CC2D2A: variants seen among roughly 807,000 people sequenced by gnomAD.
CC2D2A encodes the protein coiled-coil and C2 domain containing 2A, also known as coiled-coil and C2 domain-containing protein 2A.
A neutral mutation model predicts 212.9 loss-of-function variants in CC2D2A; 155 were observed. The observed-to-expected ratio is 0.73, with a 90% CI of 0.64 to 0.83. The LOEUF is 0.83. Among genes scored for constraint, CC2D2A ranks in the 40% least tolerant of loss-of-function variants. The pLI is 0.00. For synonymous variants in CC2D2A, 667 were observed against 686.5 expected (o/e 0.97, Z 0.44); for missense variants, 1,856 against 1,956.2 (o/e 0.95, Z 0.97).
intron 18 of CC2D2A, 89 bp downstream of exon 18, chr4:15,551,069 G>C: frequency 8.8e-7 from 1 of 1,138,810 alleles, no homozygotes; most frequent in Non-Finnish European, 1.2e-6. Context: ...GACAACCATA[G>C]AATTATAAAA....
chr4:15,550,980 G>C lies in CC2D2A; in HGVS notation c.2338G>C (p.Gly780Arg). 1 of 1,582,596 alleles carries C rather than the reference G, an allele frequency of 6.3e-7. No individual in the cohort carries two copies. The highest frequency in any genetic ancestry group is 1.1e-5 in the South Asian group (1 of 88,142). The stretch of plus-strand genomic sequence containing the variant: ...ACTGGACCACGAGGGAGTTGGAAGT[G>C]GTATGGAAAGCTAATATCTTCAATG... The part of the protein sequence containing the change: ...VTLDHEGVGS[G>R]VPFSFEADGS... The change falls in exon 18 of 37, where the codon GGA (glycine) becomes CGA (arginine). Residue 780 changes from glycine to arginine, a missense_variant and splice_region_variant. By Grantham distance (125) the Gly-to-Arg change is moderately radical (BLOSUM62 -2). Around this residue, in one of 5 missense-constraint regions of CC2D2A, gnomAD observed 1,512 missense variants for 1,579.3 expected, o/e 0.96. Coordinates refer to ENST00000424120, the MANE Select transcript of CC2D2A (RefSeq NM_001378615.1).
At chr4:15,483,682 T>TAA (rs1284812786) in intron 4 of CC2D2A, among the ~76,000 whole-genome samples, 1 of 152,238 alleles carries the variant, frequency 6.6e-6, no homozygotes, top group East Asian at 1.9e-4. Context: ...CTCTCTTATT[T>TAA]ATTCCGGGCT....
chr4:15,541,362 C>A (rs1266391528), intron 17 of CC2D2A, among the ~76,000 whole-genome samples: 2 of 151,858 alleles, frequency 1.3e-5, no homozygotes, highest in Non-Finnish European at 2.9e-5. Flanking sequence ...ATAGTTACTG[C>A]CCCAATAATT....
rs1717945434 is a variant in CC2D2A at position 15,533,237 on chromosome 4, C to T, written c.1511C>T (p.Thr504Ile). The T allele has an allele frequency of 5.6e-6, 9 of 1,596,276 alleles. No homozygotes were observed. Among genetic ancestry groups the T allele is most frequent in the Non-Finnish European group, 7.7e-6 (9 of 1,174,604 alleles). ...GATGCTGAACAAGAAAAAGATAGAA[C>T]ATTGCTTAAGACTATCATAAAAGTT... ...FRDAEQEKDRTLLKTIIKVWK... is the reference protein window; with the variant it reads ...FRDAEQEKDRILLKTIIKVWK... The change falls in exon 14 of 37, where the codon ACA (threonine) becomes ATA (isoleucine). Residue 504 changes from threonine to isoleucine, a missense_variant. Coordinates refer to ENST00000424120, the MANE Select transcript of CC2D2A (RefSeq NM_001378615.1).
intron 18 of CC2D2A, among the ~76,000 whole-genome samples, chr4:15,552,088 G>A (rs1294218444): frequency 6.6e-6 from 1 of 152,160 alleles, no homozygotes; most frequent in Non-Finnish European, 1.5e-5. Context: ...AAGATCTAGA[G>A]TTACTTCATT....
chr4:15,593,572 G>C (rs1268385471), intron 33 of CC2D2A, among the ~76,000 whole-genome samples: 1 of 152,160 alleles, frequency 6.6e-6, no homozygotes, highest in Non-Finnish European at 1.5e-5. Flanking sequence ...GGATGTGAGA[G>C]AGACATCTCA....
intron 30 of CC2D2A, among the ~76,000 whole-genome samples, chr4:15,583,963 AAG>A: frequency 8.8e-6 from 1 of 113,842 alleles, no homozygotes; most frequent in Non-Finnish European, 2.0e-5. Context: ...AAAAAAAAAA[AAG>A]AAAAGAAAAG....
At chr4:15,523,099 A>G (rs1717306551) in intron 11 of CC2D2A, among the ~76,000 whole-genome samples, 1 of 150,536 alleles carries the variant, frequency 6.6e-6, no homozygotes, top group Non-Finnish European at 1.5e-5. Flanking sequence ...GGGTGACAAG[A>G]GCAAAACTCC....
chr4:15,559,583 AAAC>A (rs1436307771), intron 22 of CC2D2A, among the ~76,000 whole-genome samples: 1 of 152,190 alleles, frequency 6.6e-6, no homozygotes, highest in African/African-American at 2.4e-5. Context: ...AATCAGAAAA[AAAC>A]AAAAGTTTTT....
chr4:15,538,216 C>T (rs965410862), intron 16 of CC2D2A, 79 bp downstream of exon 16: 166 of 1,399,224 alleles, frequency 1.2e-4, no homozygotes, highest in African/African-American at 4.1e-4. Flanking sequence ...CACACATGCA[C>T]GACATGGGGA....
rs1560196423 is a variant in CC2D2A, at chr4:15,589,641, C to T, written c.4276C>T (p.Pro1426Ser). Residue 1426 changes from proline to serine, a missense_variant, in exon 33 of 37, where the codon CCC (proline) becomes TCC (serine). Physicochemically the swap from Pro to Ser is moderately conservative, Grantham distance 74. This residue lies in a region of CC2D2A where 285 missense variants were observed against 278.4 expected (regional missense o/e 1.02). Coordinates refer to ENST00000424120, the MANE Select transcript of CC2D2A (RefSeq NM_001378615.1). Reference protein sequence around the residue: ...HFYGQFDTFCPLKNVGCLIGP... With the variant: ...HFYGQFDTFCSLKNVGCLIGP... ...TTATGGACAATTTGATACATTCTGT[C>T]CCTTGAAAAATGTGGGCTGTTTAAT... The T allele has an allele frequency of 1.2e-6, 2 of 1,601,548 alleles. No homozygotes were observed. Among genetic ancestry groups the T allele is most frequent in the Non-Finnish European group, 8.5e-7 (1 of 1,172,760 alleles).
chr4:15,559,043 GA>G lies in CC2D2A; in HGVS notation c.2830-120del, dbSNP rs1719433069. 5.8e-6 allele frequency: 4 copies of G among 691,790 alleles called. No individual in the cohort carries two copies. The South Asian group carries it at 7.5e-5, about 13-fold the overall frequency. 42.9% of individuals were successfully genotyped at this position (691,790 alleles called of 1,614,324 possible). On this transcript the variant is annotated intron_variant, in intron 21 of 36. Transcript: ENST00000424120. Reference sequence around the variant, plus strand: ...CCAATTCTGAACCAAAAGTTAGGAAGAAGGTGGAAGAAATATTTAAAACCAC... The same window carrying G: ...CCAATTCTGAACCAAAAGTTAGGAAGAGGTGGAAGAAATATTTAAAACCAC...
chr4:15,502,026 C>T (rs1715981176), intron 4 of CC2D2A, among the ~76,000 whole-genome samples: 1 of 152,180 alleles, frequency 6.6e-6, no homozygotes, highest in African/African-American at 2.4e-5. Flanking sequence ...AATTCATTAG[C>T]CACCCATTCA....
chr4:15,577,141 T>C (rs896805572), intron 29 of CC2D2A, among the ~76,000 whole-genome samples: 8 of 152,102 alleles, frequency 5.3e-5, no homozygotes, highest in Non-Finnish European at 2.9e-5. Flanking sequence ...CACAGGCATG[T>C]GCCACTAGGC....
intron 3 of CC2D2A, chr4:15,479,429 G>T: frequency 2.0e-6 from 2 of 988,042 alleles, no homozygotes; most frequent in Non-Finnish European, 3.1e-6. Flanking sequence ...CAGCAGGGGA[G>T]GGAGGGGAGA....
chr4:15,496,148 T>C (rs916163351), intron 4 of CC2D2A, among the ~76,000 whole-genome samples: 5 of 152,174 alleles, frequency 3.3e-5, no homozygotes, highest in Admixed American at 2.0e-4. Flanking sequence ...GTCAGTTGCA[T>C]AGTTTGCAAA....
At chr4:15,476,489 C>A (rs75801864) in intron 2 of CC2D2A, among the ~76,000 whole-genome samples, 327 of 152,290 alleles carry the variant, frequency 2.1e-3, no homozygotes, top group Non-Finnish European at 3.7e-3. Flanking sequence ...CTAAATGCAC[C>A]CTGAGGGTGC....
At chr4:15,584,566 G>A (rs1720783863) in intron 30 of CC2D2A, among the ~76,000 whole-genome samples, 1 of 152,040 alleles carries the variant, frequency 6.6e-6, no homozygotes, top group Non-Finnish European at 1.5e-5. Flanking sequence ...CAATACAAGG[G>A]AAGTACTTCA....
In CC2D2A at chr4:15,533,250, T is replaced by C. The variant is rs1183201879; in HGVS notation, c.1524T>C (p.Thr508=). Residue 508 remains threonine (T), a synonymous_variant, in exon 14 of 37, where the codon ACT becomes ACC. Transcript: ENST00000424120. ...AAAAAGATAGAACATTGCTTAAGAC[T>C]ATCATAAAAGTTTGGAAAGAGATGA... The part of the protein sequence containing the change: ...EQEKDRTLLK[T]IIKVWKEMKS... 5.6e-6 allele frequency: 9 copies of C among 1,602,450 alleles called. No homozygotes were observed. Among genetic ancestry groups the C allele is most frequent in the Middle Eastern group, 1.7e-4 (1 of 6,040 alleles).
Sources: allele counts gnomAD v4.1 joint callset (sites outside exome capture counted in the v4.1 genomes callset), GRCh38; gene constraint gnomAD v4.1.1; regional missense constraint gnomAD v4.1.1; transcripts MANE v1.5; gene names NCBI Gene and HGNC (gene_info 2026-07-23, HGNC 2026-07-21).